HDAC9: variants seen among roughly 807,000 people sequenced by gnomAD.
HDAC9 encodes the protein MEF-2 interacting transcription repressor (MITR) protein.
In HDAC9, 41 loss-of-function variants were observed where a neutral mutation model predicts 139.4. The observed-to-expected ratio is 0.29, with a 90% CI of 0.23 to 0.38. The LOEUF is 0.38. Ranked by LOEUF, HDAC9 falls within the 10% of genes least tolerant of loss-of-function variation. The probability of loss-of-function intolerance (pLI) is 1.00; values close to 1 mark genes in which losing one functional copy is unlikely to be tolerated. For synonymous variants in HDAC9, 517 were observed against 476.2 expected (o/e 1.09, Z -1.12); for missense variants, 1,147 against 1,297.0 (o/e 0.88, Z 1.78).
intron 2 of HDAC9, among the ~76,000 whole-genome samples, chr7:18,263,620 T>TC (rs57815326): frequency 2.0e-5 from 3 of 151,476 alleles, no homozygotes; most frequent in Non-Finnish European, 4.4e-5. Flanking sequence ...TGACTTTTTT[T>TC]TTTTTTGAGA....
In HDAC9 at chr7:18,732,601, G is replaced by A. The variant is rs117254980; in HGVS notation, c.1909+4844G>A. Among the ~76,000 whole-genome samples, 518 of 130,596 alleles carry A rather than the reference G, an allele frequency of 4.0e-3. 16 individuals carry two copies. Among genetic ancestry groups the A allele is most frequent in the East Asian group, 6.1e-3 (25 of 4,086 alleles). 85.7% of individuals were successfully genotyped at this position (130,596 alleles called of 152,430 possible). Reference sequence around the variant, plus strand: ...TGTGTATATACACACACGTGTATATGTGTGCATATGTGTATATACACACAC... The same window carrying A: ...TGTGTATATACACACACGTGTATATATGTGCATATGTGTATATACACACAC... On this transcript the variant is annotated intron_variant, in intron 13 of 25. Coordinates refer to ENST00000686413, the MANE Select transcript of HDAC9 (RefSeq NM_178425.4).
intron 1 of HDAC9, among the ~76,000 whole-genome samples, chr7:18,405,225 A>C (rs1049112326): frequency 6.4e-4 from 97 of 152,206 alleles, no homozygotes; most frequent in Non-Finnish European, 8.7e-4. Context: ...GGAAATGAAA[A>C]CCTAGTAAAC....
At chr7:18,634,029 TGAGTA>T (rs1478459570) in intron 7 of HDAC9, among the ~76,000 whole-genome samples, 3 of 151,990 alleles carry the variant, frequency 2.0e-5, no homozygotes, top group Non-Finnish European at 2.9e-5. Context: ...GAAAATAAGT[TGAGTA>T]GAGTTAAAGT....
chr7:18,916,023 A>AAAAAAAAAAAAAG (rs1803173975), intron 22 of HDAC9, among the ~76,000 whole-genome samples: 1 of 3,976 alleles, frequency 2.5e-4, no homozygotes, highest in Non-Finnish European at 4.8e-4. Flanking sequence ...CCCCCGCTGG[A>AAAAAAAAAAAAAG]AAAAAAAAAA....
intron 17 of HDAC9, chr7:18,808,413 T>C (rs1000152278): frequency 1.6e-4 from 24 of 152,306 alleles, no homozygotes; most frequent in South Asian, 8.3e-4. Flanking sequence ...CATAGTTCTA[T>C]GTATAGAAAA....
chr7:18,855,314 G>C (rs1797597141), intron 21 of HDAC9, among the ~76,000 whole-genome samples: 1 of 152,138 alleles, frequency 6.6e-6, no homozygotes, highest in African/African-American at 2.4e-5. Flanking sequence ...GAGTTGGAAA[G>C]ATTGACTGAT....
intron 13 of HDAC9, among the ~76,000 whole-genome samples, chr7:18,736,792 T>G (rs1374706823): frequency 6.6e-6 from 1 of 152,240 alleles, no homozygotes; most frequent in Non-Finnish European, 1.5e-5. Flanking sequence ...TTTATTGGAA[T>G]AGTTTCAGAA....
chr7:18,580,160 A>T lies in HDAC9; in HGVS notation c.23-5121A>T, dbSNP rs149410755. ...ATATTTGTTACAGAAATTGAAAGCTAAACGTGAATGTTCATGTTCATGCTC... is the reference window on the plus strand; with the variant it reads ...ATATTTGTTACAGAAATTGAAAGCTTAACGTGAATGTTCATGTTCATGCTC... On this transcript the variant is annotated intron_variant, in intron 2 of 25. Transcript: ENST00000686413. Among the ~76,000 whole-genome samples, 728 of 152,300 alleles carry T rather than the reference A, an allele frequency of 4.8e-3. 2 individuals are homozygous for T. The highest frequency in any genetic ancestry group is 0.017 in the African/African-American group (687 of 41,550).
chr7:18,336,733 G>C (rs1363183415), intron 1 of HDAC9, among the ~76,000 whole-genome samples: 1 of 151,430 alleles, frequency 6.6e-6, no homozygotes, highest in Non-Finnish European at 1.5e-5. Context: ...TTTATTCCTT[G>C]TCTATATTCT....
At chr7:18,715,321 T>C (rs1439292004) in intron 12 of HDAC9, among the ~76,000 whole-genome samples, 2 of 152,188 alleles carry the variant, frequency 1.3e-5, no homozygotes, top group Non-Finnish European at 2.9e-5. Context: ...CTGTCTTATT[T>C]TTATTTTTAA....
chr7:18,352,977 A>C (rs895759674), intron 1 of HDAC9, among the ~76,000 whole-genome samples: 8 of 152,166 alleles, frequency 5.3e-5, no homozygotes, highest in African/African-American at 1.4e-4. Flanking sequence ...AAATATTTTG[A>C]GAAATGCTTT....
chr7:18,736,760 C>T (rs766441187), intron 13 of HDAC9, among the ~76,000 whole-genome samples: 10 of 152,048 alleles, frequency 6.6e-5, no homozygotes, highest in Non-Finnish European at 1.3e-4. Context: ...AAATCAGTTA[C>T]GGAGAATTCC....
intron 22 of HDAC9, among the ~76,000 whole-genome samples, chr7:18,918,519 A>C (rs982141746): frequency 8.5e-5 from 13 of 152,080 alleles, no homozygotes; most frequent in African/African-American, 2.9e-4. Context: ...GAATAGACAT[A>C]AGAATTTTAG....
At chr7:18,169,118 G>A (rs894489833) in intron 2 of HDAC9, among the ~76,000 whole-genome samples, 4 of 151,786 alleles carry the variant, frequency 2.6e-5, no homozygotes, top group African/African-American at 9.7e-5. Flanking sequence ...TTTGTATTTA[G>A]TAGAGATGGG....
At chr7:18,963,309 A>G (rs1008206631) in intron 24 of HDAC9, among the ~76,000 whole-genome samples, 2 of 152,302 alleles carry the variant, frequency 1.3e-5, no homozygotes, top group Non-Finnish European at 2.9e-5. Context: ...GATACTAAAG[A>G]GTTTTGATCT....
intron 1 of HDAC9, among the ~76,000 whole-genome samples, chr7:18,328,526 T>G (rs984751295): frequency 1.3e-5 from 2 of 151,904 alleles, no homozygotes; most frequent in African/African-American, 4.8e-5. Flanking sequence ...GAAAGTCACT[T>G]TATAGGGAAA....
chr7:18,881,073 A>G (rs1412104323), intron 22 of HDAC9, among the ~76,000 whole-genome samples: 1 of 152,076 alleles, frequency 6.6e-6, no homozygotes, highest in East Asian at 1.9e-4. Flanking sequence ...TCAGTCAATG[A>G]TCCAAAAGTA....
intron 2 of HDAC9, among the ~76,000 whole-genome samples, chr7:18,212,104 T>C (rs1453857784): frequency 2.0e-5 from 3 of 152,206 alleles, no homozygotes; most frequent in African/African-American, 4.8e-5. Context: ...GTTTTCTGCA[T>C]GTTTCTGTCC....
chr7:18,407,406 T>C (rs1030161845), intron 1 of HDAC9, among the ~76,000 whole-genome samples: 3 of 152,198 alleles, frequency 2.0e-5, no homozygotes, highest in Admixed American at 2.0e-4. Flanking sequence ...TGTGTTCTAA[T>C]GTCTCAAGCT....
Sources: gnomAD v4.1 joint callset for allele counts (sites outside exome capture counted in the v4.1 genomes callset) on GRCh38, gnomAD v4.1.1 for gene constraint, MANE v1.5 for transcripts, NCBI Gene and HGNC (gene_info 2026-07-23, HGNC 2026-07-21) for gene names.